EXOC2: variants seen among roughly 807,000 people sequenced by gnomAD.
EXOC2 encodes the protein SEC5-like 1.
In EXOC2, 70 loss-of-function variants were observed where a neutral mutation model predicts 131.8. The observed-to-expected ratio is 0.53, with a 90% CI of 0.44 to 0.65. EXOC2 has a LOEUF of 0.65. Among genes scored for constraint, EXOC2 ranks in the 30% least tolerant of loss-of-function variants. EXOC2 has a pLI of 0.00. For synonymous variants in EXOC2, 411 were observed against 398.4 expected (o/e 1.03, Z -0.38); for missense variants, 923 against 1,108.6 (o/e 0.83, Z 2.38).
chr6:638,619 A>G (rs1402570959), intron 1 of EXOC2, among the ~76,000 whole-genome samples: 1 of 152,256 alleles, frequency 6.6e-6, no homozygotes, highest in Non-Finnish European at 1.5e-5. Context: ...AGTACCTGGC[A>G]TACAGGAGGC....
intron 1 of EXOC2, among the ~76,000 whole-genome samples, chr6:655,166 G>A (rs900607410): frequency 6.6e-6 from 1 of 152,164 alleles, no homozygotes; most frequent in Non-Finnish European, 1.5e-5. Flanking sequence ...TTTATTTTAA[G>A]AAATTGCCAC....
intron 22 of EXOC2, among the ~76,000 whole-genome samples, chr6:546,535 T>TCC (rs1011311453): frequency 1.3e-5 from 2 of 152,150 alleles, no homozygotes; most frequent in South Asian, 2.1e-4. Context: ...ACTATGTGGG[T>TCC]CCACTTATAC....
intron 11 of EXOC2, among the ~76,000 whole-genome samples, chr6:581,112 G>C (rs956047320): frequency 6.6e-6 from 1 of 151,776 alleles, no homozygotes; most frequent in African/African-American, 2.4e-5. Flanking sequence ...TGACCAACAT[G>C]GTGAAACCCC....
intron 22 of EXOC2, among the ~76,000 whole-genome samples, chr6:546,172 C>G (rs1411058541): frequency 6.6e-6 from 1 of 151,096 alleles, no homozygotes; most frequent in African/African-American, 2.4e-5. Flanking sequence ...ACGGTTGGAT[C>G]TTACTTTTAT....
chr6:651,669 A>AAATC (rs1762836800), intron 1 of EXOC2, among the ~76,000 whole-genome samples: 1 of 150,536 alleles, frequency 6.6e-6, no homozygotes, highest in African/African-American at 2.4e-5. Context: ...ATAAATAAAT[A>AAATC]AATAAATAAA....
chr6:544,833 C>G (rs4535592), intron 22 of EXOC2, among the ~76,000 whole-genome samples: 145,481 of 152,322 alleles, frequency 0.96, 69,549 homozygotes, highest in East Asian at 1. Flanking sequence ...CGGAGTTTCT[C>G]AAAGAGATTT....
intron 25 of EXOC2, among the ~76,000 whole-genome samples, chr6:494,547 A>G (rs1006296595): frequency 6.6e-6 from 1 of 152,128 alleles, no homozygotes; most frequent in Non-Finnish European, 1.5e-5. Context: ...ATGGAAACCC[A>G]GATCACAATA....
chr6:645,175 A>C (rs984222216), intron 1 of EXOC2, among the ~76,000 whole-genome samples: 1 of 152,094 alleles, frequency 6.6e-6, no homozygotes, highest in African/African-American at 2.4e-5. Context: ...AGTTTTGACA[A>C]GGCACCAAAG....
intron 1 of EXOC2, among the ~76,000 whole-genome samples, chr6:639,165 A>AC (rs1255024727): frequency 6.6e-6 from 1 of 152,050 alleles, no homozygotes; most frequent in African/African-American, 2.4e-5. Context: ...GGACTCAGAG[A>AC]CCCCCAGCAC....
chr6:549,228 T>C lies in EXOC2; in HGVS notation c.2185A>G (p.Ile729Val). The C allele has an allele frequency of 1.2e-6, 2 of 1,614,230 alleles. No individual in the cohort carries two copies. The highest frequency in any genetic ancestry group is 1.7e-6 in the Non-Finnish European group (2 of 1,180,020). ...TTGTGCTTTTCAAAATGTTCTGCGA[T>C]ATTTAGGAAGGTGTGACGTTCTAGA... The part of the protein sequence containing the change: ...CYLERHTFLN[I>V]AEHFEKHNFQ... The change falls in exon 22 of 28, where the codon ATC becomes GTC. Residue 729 changes from isoleucine (I) to valine (V), a missense_variant. Ile to Val is a conservative substitution (Grantham distance 29). Transcript: ENST00000230449.
intron 1 of EXOC2, among the ~76,000 whole-genome samples, chr6:653,913 C>T (rs1414781197): frequency 6.6e-6 from 1 of 152,138 alleles, no homozygotes. Context: ...CCAATGCTCA[C>T]TTACCATTCT....
At chr6:522,576 G>C (rs1343494650) in intron 23 of EXOC2, among the ~76,000 whole-genome samples, 1 of 148,440 alleles carries the variant, frequency 6.7e-6, no homozygotes, top group East Asian at 2.0e-4. Flanking sequence ...TGGACGACAT[G>C]ACAGTGTGTG....
intron 4 of EXOC2, among the ~76,000 whole-genome samples, chr6:627,624 G>A (rs1484493210): frequency 6.6e-6 from 1 of 152,116 alleles, no homozygotes; most frequent in Non-Finnish European, 1.5e-5. Flanking sequence ...TGGCTCCTCC[G>A]AGACGGAGTG....
chr6:564,129 G>C lies in EXOC2; in HGVS notation c.1693C>G (p.Leu565Val). 2.5e-6 allele frequency: 4 copies of C among 1,614,060 alleles called. No homozygotes were observed. Among genetic ancestry groups the C allele is most frequent in the South Asian group, 2.2e-5 (2 of 91,048 alleles). The change falls in exon 16 of 28, where the codon CTT becomes GTT. Residue 565 changes from leucine to valine, a missense_variant. Physicochemically the swap from Leu to Val is conservative, Grantham distance 32. Coordinates refer to ENST00000230449, the MANE Select transcript of EXOC2 (RefSeq NM_018303.6). Reference protein sequence around the residue: ...VRLTHESLTALEIPNDLLQTI... With the variant: ...VRLTHESLTAVEIPNDLLQTI... ...TGTAACAGGTCATTAGGAATTTCAA[G>C]GGCAGTCAACGATTCATGAGTAAGT...
chr6:571,552 C>A (rs1225236429), intron 13 of EXOC2, among the ~76,000 whole-genome samples: 1 of 152,196 alleles, frequency 6.6e-6, no homozygotes, highest in Non-Finnish European at 1.5e-5. Flanking sequence ...TCCAAAGACA[C>A]CTGAGGTACT....
At chr6:587,486 C>G (rs932315516) in intron 11 of EXOC2, among the ~76,000 whole-genome samples, 1 of 152,284 alleles carries the variant, frequency 6.6e-6, no homozygotes, top group African/African-American at 2.4e-5. Flanking sequence ...CCTCATGGTC[C>G]GCCAGCCTCA....
At chr6:512,283 T>C (rs11751317) in intron 23 of EXOC2, among the ~76,000 whole-genome samples, 6,850 of 152,354 alleles carry the variant, frequency 0.045, 232 homozygotes, top group Non-Finnish European at 0.07. Context: ...GGTTTTCTCA[T>C]GCCTCTGCTG....
At chr6:691,992 T>A (rs549883698) in intron 1 of EXOC2, among the ~76,000 whole-genome samples, 1 of 152,340 alleles carries the variant, frequency 6.6e-6, no homozygotes, top group African/African-American at 2.4e-5. Flanking sequence ...TCAGTTGATT[T>A]GTCATTAAAG....
At chr6:542,510 A>C (rs1370994094) in intron 22 of EXOC2, among the ~76,000 whole-genome samples, 1 of 152,188 alleles carries the variant, frequency 6.6e-6, no homozygotes, top group Non-Finnish European at 1.5e-5. Flanking sequence ...GTGGACGATC[A>C]AGATTTTGTG....
Sources: gnomAD v4.1 joint callset for allele counts (sites outside exome capture counted in the v4.1 genomes callset) on GRCh38, gnomAD v4.1.1 for gene constraint, MANE v1.5 for transcripts, NCBI Gene and HGNC (gene_info 2026-07-23, HGNC 2026-07-21) for gene names.